FMOD: variants seen among roughly 807,000 people sequenced by gnomAD.
FMOD encodes fibromodulin.
In FMOD, 15 loss-of-function variants were observed where a neutral mutation model predicts 27.0. The ratio of observed to expected loss-of-function variants is 0.55; its 90% CI spans 0.37 to 0.85. The LOEUF (loss-of-function observed/expected upper bound fraction) is 0.85, where lower values mean the gene tolerates loss of function less well. Ranked by LOEUF, FMOD falls within the 40% of genes least tolerant of loss-of-function variation. The probability of loss-of-function intolerance (pLI) is 0.00; values close to 1 mark genes in which losing one functional copy is unlikely to be tolerated. For synonymous variants in FMOD, 210 were observed against 214.0 expected (o/e 0.98, Z 0.16); for missense variants, 460 against 483.2 (o/e 0.95, Z 0.45).
Position 203,342,088 on chromosome 1 carries a change from T to C in FMOD, c.*255A>G, listed in dbSNP as rs3738022. The C allele has an allele frequency of 0.19, 85,189 of 445,904 alleles. 9,840 individuals are homozygous for C. The highest frequency in any genetic ancestry group is 0.4 in the East Asian group (10,937 of 27,236). The allele number at this position is 445,904 out of a possible 1,614,324, so 27.6% of individuals were successfully genotyped here. A position where few individuals can be genotyped will look rare whatever the true frequency, so the allele number is the denominator to read the frequency against. ...TTAAGAGCCGTGAGATTTATGGGGT[T>C]GGAACATCCAGGGATCCTTCCATCT... is the stretch of plus-strand genomic sequence containing the variant. On this transcript the variant is annotated 3_prime_UTR_variant, in exon 3 of 3. Transcript: ENST00000354955.
At chr1:203,342,616 A>G in intron 2 of FMOD, 122 bp from the exon 3 acceptor site, 2 of 962,242 alleles carry the variant, frequency 2.1e-6, no homozygotes, top group South Asian at 3.3e-5. Context: ...GATGGAGGGC[A>G]GATGTTTTCC....
At position 203,342,302 on chromosome 1, in the gene FMOD, G is replaced by A; in HGVS notation, c.*41C>T. On this transcript the variant is annotated 3_prime_UTR_variant, in exon 3 of 3. Coordinates refer to ENST00000354955, the MANE Select transcript of FMOD (RefSeq NM_002023.5). ...GCCAAACCAAACCATCAAGCCAAAT[G>A]CCACGGGGGCTCTCCGCCCAGTACC... 6.3e-7 allele frequency: 1 copy of A among 1,584,228 alleles called. No homozygotes were observed.
chr1:203,342,214 G>A lies in FMOD; in HGVS notation c.*129C>T. 8.4e-7 allele frequency: 1 copy of A among 1,194,452 alleles called. No homozygotes were observed. Among genetic ancestry groups the A allele is most frequent in the Non-Finnish European group, 1.2e-6 (1 of 866,088 alleles). The allele number at this position is 1,194,452 out of a possible 1,614,324, so 74.0% of individuals were successfully genotyped here. The stretch of plus-strand genomic sequence containing the variant: ...CCCCCCTAACCCCACCTACAGGAAA[G>A]AAGACTACAGAGGGTGCCCGTGGAC... On this transcript the variant is annotated 3_prime_UTR_variant, in exon 3 of 3. Transcript: ENST00000354955.
At chr1:203,347,165 A>AGGTTGCTTCATTTGTGCTGTCT (rs1422702921) in intron 2 of FMOD, 127 bp downstream of exon 2, 2 of 1,088,344 alleles carry the variant, frequency 1.8e-6, no homozygotes, top group Non-Finnish European at 2.6e-6. Context: ...CTTGGTTGTC[A>AGGTTGCTTCATTTGTGCTGTCT]GGTTGCTTCA....
intron 1 of FMOD, among the ~76,000 whole-genome samples, chr1:203,349,360 G>C (rs1658952574): frequency 6.6e-6 from 1 of 152,204 alleles, no homozygotes; most frequent in South Asian, 2.1e-4. Context: ...CTGTGTCTAG[G>C]TCCCCACATT....
chr1:203,348,173 C>T lies in FMOD; in HGVS notation c.98G>A (p.Ser33Asn), dbSNP rs1276245565. ...DPHWWFHYLR[S>N]QQSTYYDPYD... ...GGGATCGTAGTAGGTGGACTGCTGG[C>T]TGCGGAGGTAGTGGAACCACCAATG... Residue 33 changes from serine to asparagine, a missense_variant, in exon 2 of 3, where the codon AGC (serine) becomes AAC (asparagine). By Grantham distance (46) the Ser-to-Asn change is conservative (BLOSUM62 1). Transcript: ENST00000354955. The T allele has an allele frequency of 6.2e-7, 1 of 1,614,170 alleles. No individual in the cohort carries two copies. Among genetic ancestry groups the T allele is most frequent in the Admixed American group, 1.7e-5 (1 of 60,018 alleles).
At chr1:203,345,153 G>T (rs780488632) in intron 2 of FMOD, among the ~76,000 whole-genome samples, 1 of 152,126 alleles carries the variant, frequency 6.6e-6, no homozygotes, top group Admixed American at 6.5e-5. Context: ...ACCTAGTCAC[G>T]GGGCTTGGAC....
rs765687714 is a variant in FMOD, at chr1:203,347,293, A to G, written c.978T>C (p.Asn326=). ...CGCCTCCCTTTGCCAAGGTCTCACC[A>G]TTGATCCTATTGCCTTGGAGGTAGA... The part of the protein sequence containing the change: ...ENLYLQGNRI[N]EFSISSFCTV... Residue 326 remains asparagine (N), a splice_region_variant and synonymous_variant, in exon 2 of 3, where the codon AAT becomes AAC. Transcript: ENST00000354955. 6.2e-7 allele frequency: 1 copy of G among 1,608,434 alleles called. No individual in the cohort carries two copies. Among genetic ancestry groups the G allele is most frequent in the South Asian group, 1.1e-5 (1 of 89,886 alleles).
chr1:203,348,740 C>T (rs1658940774), intron 1 of FMOD, among the ~76,000 whole-genome samples: 1 of 152,176 alleles, frequency 6.6e-6, no homozygotes, highest in Non-Finnish European at 1.5e-5. Flanking sequence ...TTCTAAGAGT[C>T]CAAGGAGAAA....
At chr1:203,345,080 A>G (rs1252430639) in intron 2 of FMOD, among the ~76,000 whole-genome samples, 1 of 152,178 alleles carries the variant, frequency 6.6e-6, no homozygotes, top group Admixed American at 6.5e-5. Context: ...ATATTAATTC[A>G]CTACTTTAAG....
chr1:203,343,531 G>A (rs1450732165), intron 2 of FMOD, among the ~76,000 whole-genome samples: 1 of 152,226 alleles, frequency 6.6e-6, no homozygotes, highest in Non-Finnish European at 1.5e-5. Flanking sequence ...TCTCTGCAAA[G>A]GGGGTTTGAA....
chr1:203,342,688 T>G (rs1310941719), intron 2 of FMOD, among the ~76,000 whole-genome samples, 194 bp from the exon 3 acceptor site: 1 of 152,120 alleles, frequency 6.6e-6, no homozygotes, highest in Non-Finnish European at 1.5e-5. Context: ...GTGAGGACTG[T>G]GCCTGCGTCT....
In FMOD at chr1:203,348,065, G is replaced by T; in HGVS notation, c.206C>A (p.Ser69Tyr). 2 of 1,613,982 alleles carry T rather than the reference G, an allele frequency of 1.2e-6. No individual in the cohort carries two copies. The highest frequency in any genetic ancestry group is 1.7e-6 in the Non-Finnish European group (2 of 1,179,910). Residue 69 changes from serine to tyrosine, a missense_variant, in exon 2 of 3, where the codon TCC becomes TAC. Physicochemically the swap from Ser to Tyr is moderately radical, Grantham distance 144. Coordinates refer to ENST00000354955, the MANE Select transcript of FMOD (RefSeq NM_002023.5). ...EGPAYTYGSP[S>Y]PPDPRDCPQE... ...GGGGCAGTCGCGGGGATCTGGAGGG[G>T]ATGGAGAGCCGTAGGTGTAGGCTGG...
intron 2 of FMOD, among the ~76,000 whole-genome samples, chr1:203,343,922 A>G (rs187165853): frequency 1.3e-5 from 2 of 152,334 alleles, no homozygotes; most frequent in African/African-American, 2.4e-5. Context: ...GGTTGCAGCA[A>G]ATTAACTTGT....
intron 2 of FMOD, among the ~76,000 whole-genome samples, chr1:203,344,113 T>C (rs900311913): frequency 2.0e-5 from 3 of 152,144 alleles, no homozygotes; most frequent in Non-Finnish European, 2.9e-5. Context: ...AGTGAGCAGG[T>C]TGGGGGCAGA....
chr1:203,342,387 C>T lies in FMOD; in HGVS notation c.1087G>A (p.Asp363Asn), dbSNP rs536977170. 4.2e-5 allele frequency: 67 copies of T among 1,613,600 alleles called. No individual in the cohort carries two copies. The highest frequency in any genetic ancestry group is 5.3e-5 in the Non-Finnish European group (63 of 1,179,768). ...NEIKRSAMPADAPLCLRLASL... is the reference protein window; with the variant it reads ...NEIKRSAMPANAPLCLRLASL... ...GCAAGGCGCAGGCAGAGGGGCGCGT[C>T]GGCAGGCATGGCGCTGCGCTTGATC... is the stretch of plus-strand genomic sequence containing the variant. Residue 363 changes from aspartate (D) to asparagine (N), a missense_variant, in exon 3 of 3, where the codon GAC (aspartate) becomes AAC (asparagine). Transcript: ENST00000354955.
At position 203,341,379 on chromosome 1, in the gene FMOD, C is replaced by T. The variant is rs893139515; in HGVS notation, c.*964G>A. ...TCTCATACTTTAAAAACCATGTGGC[C>T]GCTACCTTTGTGGATAAAAACCCAG... On this transcript the variant is annotated 3_prime_UTR_variant, in exon 3 of 3. Transcript: ENST00000354955. The T allele has an allele frequency of 4.6e-5, 7 of 152,128 alleles. No homozygotes were observed. The highest frequency in any genetic ancestry group is 2.1e-4 in the South Asian group (1 of 4,818). The allele number at this position is 152,128 out of a possible 1,614,324, so 9.4% of individuals were successfully genotyped here. A position where few individuals can be genotyped will look rare whatever the true frequency, so the allele number is the denominator to read the frequency against.
chr1:203,342,405 G>A lies in FMOD; in HGVS notation c.1069C>T (p.Arg357Cys), dbSNP rs1352634333. 6.2e-7 allele frequency: 1 copy of A among 1,614,116 alleles called. No individual in the cohort carries two copies. ...GGCGCGTCGGCAGGCATGGCGCTGC[G>A]CTTGATCTCGTTCCCGTCCAGGCGC... ...VLRLDGNEIK[R>C]SAMPADAPLC... The change falls in exon 3 of 3, where the codon CGC becomes TGC. Residue 357 changes from arginine (R) to cysteine (C), a missense_variant. Arg to Cys is a radical substitution (Grantham distance 180). Transcript: ENST00000354955.
chr1:203,343,047 C>A (rs1218093195), intron 2 of FMOD, among the ~76,000 whole-genome samples: 1 of 152,160 alleles, frequency 6.6e-6, no homozygotes, highest in African/African-American at 2.4e-5. Context: ...GAGTGGGTTG[C>A]ACGTCTCCAT....
Sources: gnomAD v4.1 joint callset for allele counts (sites outside exome capture counted in the v4.1 genomes callset) on GRCh38, gnomAD v4.1.1 for gene constraint, MANE v1.5 for transcripts, NCBI Gene and HGNC (gene_info 2026-07-23, HGNC 2026-07-21) for gene names.